Variants in BCAS3 observed in about 807,000 individuals in gnomAD.
The protein encoded by BCAS3 is BCAS4/BCAS3 fusion.
In BCAS3, 53 loss-of-function variants were observed where a neutral mutation model predicts 116.1. The observed-to-expected ratio is 0.46, with a 90% confidence interval of 0.37 to 0.57. The LOEUF is 0.57. BCAS3 is among the 20% of genes least tolerant of loss of function. The pLI, the probability that BCAS3 is intolerant of heterozygous loss-of-function variation, is 0.00. For synonymous variants in BCAS3, 391 were observed against 408.2 expected (o/e 0.96, Z 0.51); for missense variants, 917 against 1,165.4 (o/e 0.79, Z 3.10).
rs905387821 is a variant in BCAS3 at position 61,058,153 on chromosome 17, C to G, written c.2030-16767C>G. Among the ~76,000 whole-genome samples the G allele has an allele frequency of 2.0e-5, 3 of 152,072 alleles. No homozygotes were observed. The South Asian group carries it at 6.2e-4, about 32-fold the overall frequency. The stretch of plus-strand genomic sequence containing the variant: ...TCTTGATTTTTCTTACTGAAAGTAA[C>G]CAGCCCAGTAACCGAGGCATAAGGT... On this transcript the variant is annotated intron_variant, in intron 19 of 23. Coordinates refer to ENST00000407086, the MANE Select transcript of BCAS3 (RefSeq NM_017679.5).
Position 61,233,036 on chromosome 17 carries a change from C to T in BCAS3, c.2426-135291C>T, listed in dbSNP as rs2082784371. On this transcript the variant is annotated intron_variant, in intron 22 of 23. Coordinates refer to ENST00000407086, the MANE Select transcript of BCAS3 (RefSeq NM_017679.5). The surrounding 1 kb of genome is among the most constrained non-coding windows in gnomAD (Gnocchi z 4.3). Reference sequence around the variant, plus strand: ...GGGCCTCCATGAAGTCATTCCTTTGCAGTGATCTGTAGCTAGACTGCGCTC... The same window carrying T: ...GGGCCTCCATGAAGTCATTCCTTTGTAGTGATCTGTAGCTAGACTGCGCTC... Among the ~76,000 whole-genome samples the T allele has an allele frequency of 6.6e-6, 1 of 152,204 alleles. No individual in the cohort carries two copies. The highest frequency in any genetic ancestry group is 2.1e-4 in the South Asian group (1 of 4,830).
chr17:60,803,048 T>G (rs2047957755), intron 6 of BCAS3, among the ~76,000 whole-genome samples: 1 of 149,122 alleles, frequency 6.7e-6, no homozygotes, highest in African/African-American at 2.6e-5. Flanking sequence ...GACTTACAAG[T>G]GCCCACCTAA....
intron 22 of BCAS3, among the ~76,000 whole-genome samples, chr17:61,096,100 C>A (rs966327448): frequency 6.6e-6 from 1 of 152,018 alleles, no homozygotes; most frequent in Non-Finnish European, 1.5e-5. Context: ...AGGGTTCAAG[C>A]GATTCTTGTG....
At chr17:60,827,069 A>G (rs2050496477) in intron 7 of BCAS3, among the ~76,000 whole-genome samples, 2 of 152,228 alleles carry the variant, frequency 1.3e-5, no homozygotes, top group African/African-American at 2.4e-5. Context: ...AGAATAATGG[A>G]ACTAACAAGG....
At chr17:61,360,121 A>G (rs1327275774) in intron 22 of BCAS3, among the ~76,000 whole-genome samples, 3 of 151,392 alleles carry the variant, frequency 2.0e-5, no homozygotes, top group Non-Finnish European at 2.9e-5. Flanking sequence ...ATCTCCTGTC[A>G]GCCTCCCAAG....
intron 12 of BCAS3, among the ~76,000 whole-genome samples, chr17:60,912,513 T>A (rs2058568708): frequency 6.6e-6 from 1 of 152,152 alleles, no homozygotes. Context: ...GATTATTAAA[T>A]TTGGCTCTTG....
chr17:60,880,221 G>A (rs555334538), intron 9 of BCAS3, among the ~76,000 whole-genome samples: 7 of 151,942 alleles, frequency 4.6e-5, no homozygotes, highest in African/African-American at 1.4e-4. Context: ...CTGTGAAATG[G>A]TATTTAATGT....
rs1222122910 is a variant in BCAS3, at chr17:61,208,794, G to A, written c.2425+124230G>A. Reference sequence around the variant, plus strand: ...CAGTAGAGCCCTTGTCAGCTCGCTGGTGCTCTCTGCAAACTTGCAGTGCAA... The same window carrying A: ...CAGTAGAGCCCTTGTCAGCTCGCTGATGCTCTCTGCAAACTTGCAGTGCAA... On this transcript the variant is annotated intron_variant, in intron 22 of 23. Coordinates refer to ENST00000407086, the MANE Select transcript of BCAS3 (RefSeq NM_017679.5). This position sits in a 1 kb window ranked among gnomAD's most constrained non-coding sequence, Gnocchi z 4.5. 6.6e-6 allele frequency among the ~76,000 whole-genome samples: 1 copy of A among 151,888 alleles called. No individual in the cohort carries two copies. The highest frequency in any genetic ancestry group is 1.5e-5 in the Non-Finnish European group (1 of 67,996).
Position 61,026,732 on chromosome 17 carries a change from C to A in BCAS3, c.1638-7934C>A. On this transcript the variant is annotated intron_variant, in intron 16 of 23. Coordinates refer to ENST00000407086, the MANE Select transcript of BCAS3 (RefSeq NM_017679.5). The surrounding 1 kb of genome is among the most constrained non-coding windows in gnomAD (Gnocchi z 5.0). The stretch of plus-strand genomic sequence containing the variant: ...TGGTTATATCAGACAGTATGTACAG[C>A]AGAATTGTAAATGATTACTAATTTT... The A allele has an allele frequency of 1.2e-6, 1 of 806,360 alleles. No homozygotes were observed. The allele number at this position is 806,360 out of a possible 1,614,324, so 50.0% of individuals were successfully genotyped here.
chr17:60,707,822 A>G (rs1467559105), intron 4 of BCAS3, among the ~76,000 whole-genome samples: 1 of 152,118 alleles, frequency 6.6e-6, no homozygotes, highest in Non-Finnish European at 1.5e-5. Context: ...CCGATGTTAA[A>G]CCATCTTACA....
rs2070329155 is a variant in BCAS3, at chr17:61,063,843, T to TGGATG, written c.2030-11075_2030-11071dup. On this transcript the variant is annotated intron_variant, in intron 19 of 23. Transcript: ENST00000407086. The surrounding 1 kb of genome is among the most constrained non-coding windows in gnomAD (Gnocchi z 5.3). ...GAATTTTTTTCCTATCAAATTGATA[T>TGGATG]GGATGGCCTGGCCACTGAAGACTTC... Among the ~76,000 whole-genome samples the TGGATG allele has an allele frequency of 6.6e-6, 1 of 152,196 alleles. No homozygotes were observed. The highest frequency in any genetic ancestry group is 1.5e-5 in the Non-Finnish European group (1 of 68,044).
intron 23 of BCAS3, among the ~76,000 whole-genome samples, chr17:61,372,275 G>A (rs11650989): frequency 0.55 from 83,665 of 152,008 alleles, 28,037 homozygotes; most frequent in Non-Finnish European, 0.77. Context: ...CAATAGAGAC[G>A]CAGAGACGAT....
chr17:60,689,679 T>C lies in BCAS3; in HGVS notation c.139-7T>C. On this transcript the variant is annotated splice_polypyrimidine_tract_variant and splice_region_variant and intron_variant, in intron 3 of 23. Transcript: ENST00000407086. ...TGTTTATTCAAATGTTTCTGTTTAC[T>C]ATGCAGGCTTACAGTGGAACACCTC... 6.3e-7 allele frequency: 1 copy of C among 1,577,310 alleles called. No homozygotes were observed. The highest frequency in any genetic ancestry group is 8.7e-7 in the Non-Finnish European group (1 of 1,152,884).
At chr17:61,267,121 G>C (rs879584600) in intron 22 of BCAS3, among the ~76,000 whole-genome samples, 12 of 152,184 alleles carry the variant, frequency 7.9e-5, no homozygotes, top group Non-Finnish European at 7.4e-5. Flanking sequence ...GCAGTGGTGC[G>C]GTCTCGGCTC....
At chr17:61,250,747 T>C (rs12949134) in intron 22 of BCAS3, among the ~76,000 whole-genome samples, 21,525 of 152,238 alleles carry the variant, frequency 0.14, 1,739 homozygotes, top group Middle Eastern at 0.19. Context: ...GAGCTCTGGA[T>C]ACTTGTAGAC....
chr17:60,811,977 T>C (rs1347833807), intron 7 of BCAS3, among the ~76,000 whole-genome samples: 2 of 151,088 alleles, frequency 1.3e-5, no homozygotes, highest in Non-Finnish European at 2.9e-5. Flanking sequence ...TGCTTGAGCC[T>C]GGGAGGCAGA....
rs115170082 is a variant in BCAS3 at position 61,260,756 on chromosome 17, G to A, written c.2426-107571G>A. Reference sequence around the variant, plus strand: ...CTAACATAGTTTAGTAAACCGATGAGTGTCTGGCAATTTTGCCGTAAAACG... The same window carrying A: ...CTAACATAGTTTAGTAAACCGATGAATGTCTGGCAATTTTGCCGTAAAACG... On this transcript the variant is annotated intron_variant, in intron 22 of 23. Transcript: ENST00000407086. Among the ~76,000 whole-genome samples, 491 of 152,350 alleles carry A rather than the reference G, an allele frequency of 3.2e-3. 1 individual carries two copies. The highest frequency in any genetic ancestry group is 0.011 in the African/African-American group (477 of 41,580).
At chr17:60,983,796 C>T (rs965656180) in intron 14 of BCAS3, among the ~76,000 whole-genome samples, 3 of 152,224 alleles carry the variant, frequency 2.0e-5, no homozygotes, top group South Asian at 2.1e-4. Context: ...TCTAAGGATG[C>T]CTTTCTTTAT....
intron 10 of BCAS3, among the ~76,000 whole-genome samples, chr17:60,896,030 A>G (rs537521283): frequency 1.3e-5 from 2 of 152,348 alleles, no homozygotes; most frequent in Admixed American, 6.5e-5. Flanking sequence ...CATTGGGTCT[A>G]AAGTCCAGTT....
Sources: gnomAD v4.1 joint callset for allele counts (sites outside exome capture counted in the v4.1 genomes callset) on GRCh38, gnomAD v4.1.1 for gene constraint, Gnocchi (gnomAD v3.1) non-coding constraint, MANE v1.5 for transcripts, NCBI Gene and HGNC (gene_info 2026-07-23, HGNC 2026-07-21) for gene names.